Variants in ARHGAP39 observed in about 807,000 individuals in gnomAD.
The protein encoded by ARHGAP39 is Rho GTPase activating protein 39, also known as rho GTPase-activating protein 39.
In ARHGAP39, 44 loss-of-function variants were observed where a neutral mutation model predicts 106.9. The ratio of observed to expected loss-of-function variants is 0.41; its 90% confidence interval spans 0.32 to 0.53. The LOEUF (loss-of-function observed/expected upper bound fraction) is 0.53. Ranked by LOEUF, ARHGAP39 falls within the 20% of genes least tolerant of loss-of-function variation. The probability of loss-of-function intolerance (pLI) is 0.21; values close to 1 mark genes in which losing one functional copy is unlikely to be tolerated. For missense variants in ARHGAP39, 1,496 were observed against 1,577.3 expected, an observed-to-expected ratio of 0.95 and a Z score of 0.87; for synonymous variants, 768 against 693.2, an observed-to-expected ratio of 1.11 and a Z score of -1.69.
chr8:144,618,523 C>G (rs373654008), intron 1 of ARHGAP39, among the ~76,000 whole-genome samples: 1 of 152,254 alleles, frequency 6.6e-6, no homozygotes, highest in African/African-American at 2.4e-5. Flanking sequence ...AGAGACCTGC[C>G]TGAGGTGGGG....
chr8:144,533,795 C>T (rs761979027), intron 8 of ARHGAP39, among the ~76,000 whole-genome samples: 4 of 152,140 alleles, frequency 2.6e-5, no homozygotes, highest in East Asian at 3.8e-4. Flanking sequence ...ATGGGAGCAG[C>T]GCATCAGAGA....
intron 2 of ARHGAP39, chr8:144,583,965 G>T (rs1304068972): frequency 6.6e-6 from 1 of 152,244 alleles, no homozygotes; most frequent in Non-Finnish European, 1.5e-5. Flanking sequence ...ATCACTCAAG[G>T]GGATAAACGG....
At chr8:144,634,890 C>G (rs1821137945) in intron 1 of ARHGAP39, among the ~76,000 whole-genome samples, 1 of 151,932 alleles carries the variant, frequency 6.6e-6, no homozygotes, top group African/African-American at 2.4e-5. Context: ...CCCGGGAACT[C>G]CAGGCCCTGT....
chr8:144,612,157 G>A (rs1343111996), intron 1 of ARHGAP39, among the ~76,000 whole-genome samples: 3 of 151,228 alleles, frequency 2.0e-5, no homozygotes, highest in African/African-American at 7.3e-5. Context: ...CTCCAGCCAG[G>A]GCGACAGAGT....
In ARHGAP39 at chr8:144,680,438, C is replaced by G. The variant is rs555349244; in HGVS notation, c.-82+5248G>C. 2.6e-4 allele frequency among the ~76,000 whole-genome samples: 39 copies of G among 152,282 alleles called. 1 individual carries two copies. In the South Asian group the frequency reaches 6.6e-3, roughly 26 times the overall value. On this transcript the variant is annotated intron_variant, in intron 1 of 11. Transcript: ENST00000377307. ...GAATAAAACCTCATTTACAAAAACACGCAGAGGAGTCTGCCAGGGGGCTGC... is the reference window on the plus strand; with the variant it reads ...GAATAAAACCTCATTTACAAAAACAGGCAGAGGAGTCTGCCAGGGGGCTGC...
upstream of ARHGAP39, among the ~76,000 whole-genome samples, chr8:144,689,741 ATTTT>A (rs71320838): frequency 1.7e-5 from 2 of 119,914 alleles, no homozygotes; most frequent in Admixed American, 8.7e-5. Context: ...CACCTGACTA[ATTTT>A]TTTTTTTTTT....
intron 1 of ARHGAP39, among the ~76,000 whole-genome samples, chr8:144,609,397 CTTTTTTTTT>C (rs779442641): frequency 4.3e-4 from 52 of 121,328 alleles, no homozygotes; most frequent in Non-Finnish European, 7.3e-4. Context: ...ATGTATTGTC[CTTTTTTTTT>C]TTTTTTTTTT....
chr8:144,535,786 C>T (rs369218918), intron 7 of ARHGAP39, among the ~76,000 whole-genome samples: 1 of 151,880 alleles, frequency 6.6e-6, no homozygotes, highest in East Asian at 1.9e-4. Flanking sequence ...GCCACCGCCT[C>T]TCAGCTGATG....
chr8:144,558,190 T>G (rs1393451367), intron 3 of ARHGAP39, among the ~76,000 whole-genome samples: 3 of 152,232 alleles, frequency 2.0e-5, no homozygotes, highest in Non-Finnish European at 2.9e-5. Context: ...AAAGAAGACT[T>G]GAATACATAA....
At chr8:144,619,964 G>A (rs1310111029) in intron 1 of ARHGAP39, among the ~76,000 whole-genome samples, 4 of 149,106 alleles carry the variant, frequency 2.7e-5, no homozygotes, top group Non-Finnish European at 6.0e-5. Flanking sequence ...GCCTGTGTGC[G>A]TGTGAGCCTG....
At chr8:144,636,921 G>C (rs1821185096) in intron 1 of ARHGAP39, among the ~76,000 whole-genome samples, 1 of 152,314 alleles carries the variant, frequency 6.6e-6, no homozygotes, top group African/African-American at 2.4e-5. Flanking sequence ...CCAAACTCCA[G>C]AACTGCTATT....
rs557639383 is a variant in ARHGAP39 at position 144,645,012 on chromosome 8, C to T, written c.-81-39317G>A. On this transcript the variant is annotated intron_variant, in intron 1 of 11. Coordinates refer to ENST00000377307, the MANE Select transcript of ARHGAP39 (RefSeq NM_025251.3). This position sits in a 1 kb window ranked among gnomAD's most constrained non-coding sequence, Gnocchi z 4.4. ...TTGTCCCTGGGTGGCAGGTGACAGG[C>T]GCTGGGCCACGGCAGAGAGCACATG... is the stretch of plus-strand genomic sequence containing the variant. Among the ~76,000 whole-genome samples, 5 of 152,318 alleles carry T rather than the reference C, an allele frequency of 3.3e-5. No individual in the cohort carries two copies. Among genetic ancestry groups the T allele is most frequent in the Non-Finnish European group, 5.9e-5 (4 of 68,034 alleles).
rs1822077016 is a variant in ARHGAP39, at chr8:144,670,585, C to T, written c.-82+15101G>A. Reference sequence around the variant, plus strand: ...CTGGCTGGCTGCCTCACTTGTCCTGCCTCCCGCCCTGCTCCAGGCTCCCTG... The same window carrying T: ...CTGGCTGGCTGCCTCACTTGTCCTGTCTCCCGCCCTGCTCCAGGCTCCCTG... On this transcript the variant is annotated intron_variant, in intron 1 of 11. Coordinates refer to ENST00000377307, the MANE Select transcript of ARHGAP39 (RefSeq NM_025251.3). This position sits in a 1 kb window ranked among gnomAD's most constrained non-coding sequence, Gnocchi z 4.4. 6.6e-6 allele frequency among the ~76,000 whole-genome samples: 1 copy of T among 152,108 alleles called. No homozygotes were observed. The highest frequency in any genetic ancestry group is 2.4e-5 in the African/African-American group (1 of 41,416).
rs1817585830 is a variant in ARHGAP39 at position 144,548,807 on chromosome 8, G to A, written c.597-318C>T. ...GGGCCCTTAATGTGGGTGCTGTGCGGGTGTCTCCAGAGCTGCCTGAGCCGC... is the reference window on the plus strand; with the variant it reads ...GGGCCCTTAATGTGGGTGCTGTGCGAGTGTCTCCAGAGCTGCCTGAGCCGC... On this transcript the variant is annotated intron_variant, in intron 4 of 11. Coordinates refer to ENST00000377307, the MANE Select transcript of ARHGAP39 (RefSeq NM_025251.3). This position sits in a 1 kb window ranked among gnomAD's most constrained non-coding sequence, Gnocchi z 7.4. 6.6e-6 allele frequency among the ~76,000 whole-genome samples: 1 copy of A among 152,194 alleles called. No homozygotes were observed. Among genetic ancestry groups the A allele is most frequent in the Admixed American group, 6.5e-5 (1 of 15,290 alleles).
intron 2 of ARHGAP39, among the ~76,000 whole-genome samples, chr8:144,600,511 C>T (rs1414741618): frequency 2.5e-5 from 3 of 122,074 alleles, no homozygotes; most frequent in African/African-American, 9.6e-5. Flanking sequence ...TACCTACCTG[C>T]GTGTGCGTGG....
In ARHGAP39 at chr8:144,655,490, G is replaced by C. The variant is rs531399786; in HGVS notation, c.-82+30196C>G. Among the ~76,000 whole-genome samples the C allele has an allele frequency of 6.6e-5, 10 of 152,070 alleles. No homozygotes were observed. In the South Asian group the frequency reaches 1.9e-3, roughly 28 times the overall value. ...AGATGTTGGGATGGCCAGCTGCAGAGAGGAGCTACCCACTCCAGGGCCTCC... is the reference window on the plus strand; with the variant it reads ...AGATGTTGGGATGGCCAGCTGCAGACAGGAGCTACCCACTCCAGGGCCTCC... On this transcript the variant is annotated intron_variant, in intron 1 of 11. Coordinates refer to ENST00000377307, the MANE Select transcript of ARHGAP39 (RefSeq NM_025251.3).
chr8:144,695,795 C>T, the ARHGAP39 span, among the ~76,000 whole-genome samples: 1 of 152,150 alleles, frequency 6.6e-6, no homozygotes, highest in East Asian at 1.9e-4. Context: ...AGGTGATAGA[C>T]GCGGGTCGTT....
At chr8:144,579,186 A>T (rs1342099745) in intron 3 of ARHGAP39, among the ~76,000 whole-genome samples, 1 of 132,256 alleles carries the variant, frequency 7.6e-6, no homozygotes, top group East Asian at 2.3e-4. Context: ...TGGGCGACAG[A>T]GCGAGACTCT....
intron 3 of ARHGAP39, among the ~76,000 whole-genome samples, chr8:144,580,432 C>T (rs1259710082): frequency 1.3e-5 from 2 of 152,226 alleles, no homozygotes; most frequent in East Asian, 3.9e-4. Context: ...TTGGAGGACC[C>T]AGAACCCTCT....
Sources: allele counts gnomAD v4.1 joint callset (sites outside exome capture counted in the v4.1 genomes callset), GRCh38; gene constraint gnomAD v4.1.1; non-coding constraint Gnocchi (gnomAD v3.1); transcripts MANE v1.5; gene names NCBI Gene and HGNC (gene_info 2026-07-23, HGNC 2026-07-21).